PEX7: variants seen among roughly 807,000 people sequenced by gnomAD.
The protein encoded by PEX7 is peroxisomal biogenesis factor 7.
Under a neutral mutation model 47.5 loss-of-function variants are expected in PEX7, and 34 were observed. That is an observed-to-expected ratio of 0.72 (90% CI 0.54 to 0.95). The LOEUF is 0.95. PEX7 is among the 40% of genes least tolerant of loss of function. The pLI is 0.00. For missense variants in PEX7, 394 were observed against 400.3 expected, an observed-to-expected ratio of 0.98 and a Z score of 0.13; for synonymous variants, 141 against 148.8, an observed-to-expected ratio of 0.95 and a Z score of 0.38.
At chr6:136,904,523 T>C (rs1775808510) in intron 9 of PEX7, among the ~76,000 whole-genome samples, 1 of 151,860 alleles carries the variant, frequency 6.6e-6, no homozygotes, top group South Asian at 2.1e-4. Context: ...AGGAACCCGG[T>C]GGGAGGTGAT....
chr6:136,842,103 TC>T (rs1774511655), intron 3 of PEX7, among the ~76,000 whole-genome samples: 2 of 151,810 alleles, frequency 1.3e-5, no homozygotes, highest in African/African-American at 4.8e-5. Flanking sequence ...GGAGCGATTC[TC>T]CTGCCTCAGC....
At chr6:136,862,064 A>ATAT in intron 5 of PEX7, among the ~76,000 whole-genome samples, 1 of 136,744 alleles carries the variant, frequency 7.3e-6, no homozygotes, top group African/African-American at 2.8e-5. Context: ...TATATTATAT[A>ATAT]TATATAGTTT....
chr6:136,827,866 T>G (rs948225989), intron 3 of PEX7, among the ~76,000 whole-genome samples: 4 of 152,116 alleles, frequency 2.6e-5, no homozygotes, highest in East Asian at 1.9e-4. Flanking sequence ...TGTTGTTGTT[T>G]TTTTTTGTAG....
At chr6:136,877,105 T>C (rs1452276880) in intron 8 of PEX7, among the ~76,000 whole-genome samples, 2 of 152,354 alleles carry the variant, frequency 1.3e-5, no homozygotes, top group East Asian at 1.9e-4. Flanking sequence ...ATGAGCTTTT[T>C]TTCATATGTT....
intron 8 of PEX7, among the ~76,000 whole-genome samples, chr6:136,875,069 G>A (rs560851329): frequency 1.7e-3 from 259 of 152,158 alleles, no homozygotes; most frequent in African/African-American, 5.7e-3. Context: ...AACCCAGGTG[G>A]CAGAAGTTGC....
At chr6:136,880,263 G>A (rs1177716463) in intron 8 of PEX7, among the ~76,000 whole-genome samples, 1 of 152,012 alleles carries the variant, frequency 6.6e-6, no homozygotes, top group African/African-American at 2.4e-5. Context: ...GATGGTTTGA[G>A]GTTGGCACCT....
rs556404843 is a variant in PEX7 at position 136,831,554 on chromosome 6, G to C, written c.339+5085G>C. Among the ~76,000 whole-genome samples the C allele has an allele frequency of 3.9e-5, 6 of 152,280 alleles. 1 individual carries two copies. Among genetic ancestry groups the C allele is most frequent in the African/African-American group, 1.4e-4 (6 of 41,560 alleles). On this transcript the variant is annotated intron_variant, in intron 3 of 9. Transcript: ENST00000318471. ...TCCCCCAAAGTCTTAACTTATTCCA[G>C]CATTAACCCAAAAGTCCAAGTCCAA...
Position 136,827,039 on chromosome 6 carries a change from A to C in PEX7, c.339+570A>C, listed in dbSNP as rs1774205264. Among the ~76,000 whole-genome samples the C allele has an allele frequency of 2.0e-5, 3 of 152,218 alleles. No individual in the cohort carries two copies. In the South Asian group the frequency reaches 6.2e-4, roughly 31 times the overall value. On this transcript the variant is annotated intron_variant, in intron 3 of 9. Coordinates refer to ENST00000318471, the MANE Select transcript of PEX7 (RefSeq NM_000288.4). ...TAACATACATGTATATTTTCAGTGA[A>C]CATAAAGACATCCTCTTTTTGTGTT...
At chr6:136,873,450 CCCAT>C (rs1381475768) in intron 8 of PEX7, among the ~76,000 whole-genome samples, 6 of 152,064 alleles carry the variant, frequency 3.9e-5, no homozygotes, top group African/African-American at 1.4e-4. Flanking sequence ...TTACCAAATT[CCCAT>C]CCATAAGGAA....
Position 136,841,406 on chromosome 6 carries a change from G to A in PEX7, c.340-4209G>A, listed in dbSNP as rs556310853. Reference sequence around the variant, plus strand: ...GTGTTCACTACCCCCGATCCCTAGGGTGCTGTATATTCCCATTTATGTGTT... The same window carrying A: ...GTGTTCACTACCCCCGATCCCTAGGATGCTGTATATTCCCATTTATGTGTT... On this transcript the variant is annotated intron_variant, in intron 3 of 9. Coordinates refer to ENST00000318471, the MANE Select transcript of PEX7 (RefSeq NM_000288.4). Among the ~76,000 whole-genome samples the A allele has an allele frequency of 1.4e-4, 21 of 152,164 alleles. No individual in the cohort carries two copies. In the South Asian group the frequency reaches 4.4e-3, roughly 32 times the overall value.
At chr6:136,863,243 TGTA>T (rs1327487833) in intron 5 of PEX7, among the ~76,000 whole-genome samples, 19 of 152,234 alleles carry the variant, frequency 1.2e-4, no homozygotes, top group African/African-American at 4.6e-4. Context: ...ATTTTTCAGT[TGTA>T]GTAAGAAAAA....
intron 3 of PEX7, among the ~76,000 whole-genome samples, chr6:136,831,961 C>T (rs912625956): frequency 6.6e-6 from 1 of 152,212 alleles, no homozygotes; most frequent in African/African-American, 2.4e-5. Context: ...CTTTCTGGGG[C>T]CTGGGGGACA....
chr6:136,829,215 G>T (rs1774249924), intron 3 of PEX7, among the ~76,000 whole-genome samples: 1 of 152,198 alleles, frequency 6.6e-6, no homozygotes, highest in Non-Finnish European at 1.5e-5. Flanking sequence ...TGTTCAGGCT[G>T]CTGTAACAAA....
At chr6:136,823,932 C>T (rs557759269) in intron 1 of PEX7, among the ~76,000 whole-genome samples, 2 of 152,274 alleles carry the variant, frequency 1.3e-5, no homozygotes, top group African/African-American at 2.4e-5. Context: ...GATGAAAAGG[C>T]GTAGGTTCAT....
intron 5 of PEX7, among the ~76,000 whole-genome samples, chr6:136,858,690 T>G (rs1319117229): frequency 6.6e-6 from 1 of 152,208 alleles, no homozygotes; most frequent in Admixed American, 6.5e-5. Flanking sequence ...TTAGTTCTAT[T>G]TGAGGTAATG....
chr6:136,895,556 G>A (rs1403495705), intron 8 of PEX7, among the ~76,000 whole-genome samples: 3 of 152,126 alleles, frequency 2.0e-5, no homozygotes, highest in Non-Finnish European at 4.4e-5. Flanking sequence ...TCAGTCTTGT[G>A]TTGGTTTTTA....
intron 3 of PEX7, among the ~76,000 whole-genome samples, chr6:136,827,504 TTGTGTGTGTG>T (rs5880309): frequency 0.4 from 57,055 of 140,890 alleles, 11,949 homozygotes; most frequent in Admixed American, 0.52. Flanking sequence ...CTGTGTGAAT[TTGTGTGTGTG>T]TGTGTGTGTG....
At chr6:136,867,232 CAT>C (rs1383860130) in intron 6 of PEX7, among the ~76,000 whole-genome samples, 4 of 152,276 alleles carry the variant, frequency 2.6e-5, no homozygotes, top group African/African-American at 9.6e-5. Flanking sequence ...CAGTTAACCA[CAT>C]GAGCGTATGA....
chr6:136,824,968 G>A (rs1341849456), intron 1 of PEX7, among the ~76,000 whole-genome samples: 1 of 152,154 alleles, frequency 6.6e-6, no homozygotes, highest in African/African-American at 2.4e-5. Flanking sequence ...AGGTGCAATG[G>A]GAAGTTGAAT....
Sources: allele counts gnomAD v4.1 joint callset (sites outside exome capture counted in the v4.1 genomes callset), GRCh38; gene constraint gnomAD v4.1.1; transcripts MANE v1.5; gene names NCBI Gene and HGNC (gene_info 2026-07-23, HGNC 2026-07-21).